RBBP4: variants seen among roughly 807,000 people sequenced by gnomAD.
The protein encoded by RBBP4 is histone-binding protein RBBP4.
RBBP4 carries 3 observed loss-of-function variants against 57.2 expected under a neutral mutation model. The ratio of observed to expected loss-of-function variants is 0.05; its 90% CI spans 0.02 to 0.14. The LOEUF (loss-of-function observed/expected upper bound fraction) is 0.14, where lower values mean the gene tolerates loss of function less well. RBBP4 is among the 10% of genes least tolerant of loss of function. RBBP4 has a pLI of 1.00. For synonymous variants in RBBP4, 151 were observed against 171.5 expected (o/e 0.88, Z 0.93); for missense variants, 107 against 520.6 (o/e 0.21, Z 7.73).
chr1:32,676,338 C>A (rs1649099168), intron 11 of RBBP4, among the ~76,000 whole-genome samples: 1 of 151,948 alleles, frequency 6.6e-6, no homozygotes, highest in African/African-American at 2.4e-5. Flanking sequence ...GGTGTGGTGG[C>A]TCACGCCTGT....
Position 32,683,869 on chromosome 1 carries a change from G to A in RBBP4, c.*4164G>A. 2 of 742,738 alleles carry A rather than the reference G, an allele frequency of 2.7e-6. No individual in the cohort carries two copies. Among genetic ancestry groups the A allele is most frequent in the Admixed American group, 2.4e-5 (1 of 41,236 alleles). 46.0% of individuals were successfully genotyped at this position (742,738 alleles called of 1,614,324 possible). ...GCTGGTCTTGAACTCCTGACTCCAGGTGATCCACCCTCCTCAGCCTCCCAA... is the reference window on the plus strand; with the variant it reads ...GCTGGTCTTGAACTCCTGACTCCAGATGATCCACCCTCCTCAGCCTCCCAA... On this transcript the variant is annotated 3_prime_UTR_variant, in exon 12 of 12. Coordinates refer to ENST00000373493, the MANE Select transcript of RBBP4 (RefSeq NM_005610.3).
chr1:32,670,051 A>G (rs554687002), intron 8 of RBBP4, among the ~76,000 whole-genome samples: 260 of 152,214 alleles, frequency 1.7e-3, no homozygotes, highest in Non-Finnish European at 2.9e-3. Flanking sequence ...GACCACTTAC[A>G]TTCTTCAGAT....
rs1016533008 is a variant in RBBP4 at position 32,651,235 on chromosome 1, G to A, written c.-72G>A. 105 of 1,505,578 alleles carry A rather than the reference G, an allele frequency of 7.0e-5. 1 individual carries two copies. The highest frequency in any genetic ancestry group is 2.2e-4 in the Admixed American group (10 of 45,644). The allele number at this position is 1,505,578 out of a possible 1,614,324, so 93.3% of individuals were successfully genotyped here. A position where few individuals can be genotyped will look rare whatever the true frequency, so the allele number is the denominator to read the frequency against. On this transcript the variant is annotated 5_prime_UTR_variant, in exon 1 of 12. Coordinates refer to ENST00000373493, the MANE Select transcript of RBBP4 (RefSeq NM_005610.3). ...AAACAATAGAGGCCGCGCGCACAGA[G>A]CGAGCTCTTGCAGCCTCCCCGCCCC...
Position 32,681,698 on chromosome 1 carries a change from G to A in RBBP4, c.*1993G>A, listed in dbSNP as rs1649447150. The A allele has an allele frequency of 8.3e-7, 1 of 1,198,434 alleles. No homozygotes were observed. The highest frequency in any genetic ancestry group is 1.5e-5 in the African/African-American group (1 of 65,948). 74.2% of individuals were successfully genotyped at this position (1,198,434 alleles called of 1,614,324 possible). A position where few individuals can be genotyped will look rare whatever the true frequency, so the allele number is the denominator to read the frequency against. ...CCAACTCTAGAATCTTTTTAAGCAG[G>A]TCAGCCAGTATTTGCAACTTCCACA... On this transcript the variant is annotated 3_prime_UTR_variant, in exon 12 of 12. Coordinates refer to ENST00000373493, the MANE Select transcript of RBBP4 (RefSeq NM_005610.3).
chr1:32,661,152 T>G (rs970800940), intron 3 of RBBP4, among the ~76,000 whole-genome samples: 1 of 152,194 alleles, frequency 6.6e-6, no homozygotes, highest in Non-Finnish European at 1.5e-5. Flanking sequence ...TGATGGACAC[T>G]TGGGTTGATT....
chr1:32,665,927 C>T (rs572466405), intron 3 of RBBP4, among the ~76,000 whole-genome samples: 2 of 152,228 alleles, frequency 1.3e-5, no homozygotes, highest in African/African-American at 4.8e-5. Context: ...CATTAACTAC[C>T]TTTATTTATA....
In RBBP4 at chr1:32,673,638, A is replaced by C. The variant is rs192422111; in HGVS notation, c.1212+737A>C. 1.3e-3 allele frequency: 333 copies of C among 252,290 alleles called. 6 individuals carry two copies. Among genetic ancestry groups the C allele is most frequent in the South Asian group, 0.011 (329 of 30,040 alleles). 15.6% of individuals were successfully genotyped at this position (252,290 alleles called of 1,614,324 possible). The stretch of plus-strand genomic sequence containing the variant: ...TATTTTCAGTAGAGACGGTTTCACT[A>C]TGTTGGCCAGGCTGGTCTCAAACTC... On this transcript the variant is annotated intron_variant, in intron 11 of 11. Coordinates refer to ENST00000373493, the MANE Select transcript of RBBP4 (RefSeq NM_005610.3).
rs1370201035 is a variant in RBBP4 at position 32,669,519 on chromosome 1, C to T, written c.922C>T (p.Leu308Phe). The change falls in exon 8 of 12, where the codon CTT becomes TTT. Residue 308 changes from leucine to phenylalanine, a missense_variant. Coordinates refer to ENST00000373493, the MANE Select transcript of RBBP4 (RefSeq NM_005610.3). This position sits in a 1 kb window ranked among gnomAD's most constrained non-coding sequence, Gnocchi z 4.9. ...CTTGTGGGATCTGAGAAATCTGAAA[C>T]TTAAGTTGCATTCCTTTGAGTCACA... ...VALWDLRNLK[L>F]KLHSFESHKD... 1 of 1,608,348 alleles carries T rather than the reference C, an allele frequency of 6.2e-7. No homozygotes were observed. The highest frequency in any genetic ancestry group is 8.5e-7 in the Non-Finnish European group (1 of 1,178,722).
intron 11 of RBBP4, 83 bp from the exon 12 acceptor site, chr1:32,679,557 G>C (rs1199476858): frequency 1.6e-6 from 2 of 1,262,620 alleles, no homozygotes; most frequent in East Asian, 5.0e-5. Flanking sequence ...TTACTCTCTG[G>C]CTTCCTGGCC....
intron 1 of RBBP4, 82 bp downstream of exon 1, chr1:32,651,404 A>G: frequency 7.2e-7 from 1 of 1,387,304 alleles, no homozygotes; most frequent in Non-Finnish European, 9.4e-7. Context: ...CAGTGAGGGC[A>G]GGCCCGAGTT....
chr1:32,653,677 T>A (rs1184967518), intron 2 of RBBP4, among the ~76,000 whole-genome samples: 1 of 105,460 alleles, frequency 9.5e-6, no homozygotes, highest in Non-Finnish European at 1.8e-5. Context: ...TTTTTTTTTT[T>A]GAGACGGAGT....
chr1:32,672,391 ATTTT>A, intron 8 of RBBP4, 55 bp from the exon 9 acceptor site: 1 of 1,353,998 alleles, frequency 7.4e-7, no homozygotes, highest in Non-Finnish European at 1.0e-6. Flanking sequence ...TATTTTGTGA[ATTTT>A]TTCCCTTTAT....
chr1:32,668,397 A>G lies in RBBP4; in HGVS notation c.483A>G (p.Pro161=), dbSNP rs1648741424. 3 of 1,586,610 alleles carry G rather than the reference A, an allele frequency of 1.9e-6. No homozygotes were observed. The highest frequency in any genetic ancestry group is 2.6e-6 in the Non-Finnish European group (3 of 1,156,748). ...ACTATACAAAACATCCTTCTAAACC[A>G]GGTATGTGCCCTTTTCTATTCAAAT... The part of the protein sequence containing the change: ...VFDYTKHPSK[P]DPSGECNPDL... The change falls in exon 4 of 12, where the codon CCA becomes CCG. Residue 161 remains proline, a splice_region_variant and synonymous_variant. Coordinates refer to ENST00000373493, the MANE Select transcript of RBBP4 (RefSeq NM_005610.3).
chr1:32,675,780 TAAA>T (rs954165287), intron 11 of RBBP4, among the ~76,000 whole-genome samples: 1 of 151,606 alleles, frequency 6.6e-6, no homozygotes, highest in African/African-American at 2.4e-5. Context: ...AAAAAAATAA[TAAA>T]AATAAATTTA....
Position 32,681,071 on chromosome 1 carries a change from A to C in RBBP4, c.*1366A>C, listed in dbSNP as rs1053735235. The C allele has an allele frequency of 2.6e-5, 4 of 152,836 alleles. No homozygotes were observed. The highest frequency in any genetic ancestry group is 7.2e-5 in the African/African-American group (3 of 41,480). 9.5% of individuals were successfully genotyped at this position (152,836 alleles called of 1,614,324 possible). On this transcript the variant is annotated 3_prime_UTR_variant, in exon 12 of 12. Transcript: ENST00000373493. The stretch of plus-strand genomic sequence containing the variant: ...TTAGGTTAGAAATAATAGGCTTTGA[A>C]GGCCTCTATCACCAGATGCAATAAC...
rs1648770617 is a variant in RBBP4, at chr1:32,669,205, T to C, written c.762-26T>C. The C allele has an allele frequency of 3.1e-6, 5 of 1,608,316 alleles. No homozygotes were observed. The highest frequency in any genetic ancestry group is 1.7e-5 in the Admixed American group (1 of 58,450). On this transcript the variant is annotated intron_variant, in intron 6 of 11. Transcript: ENST00000373493. This position sits in a 1 kb window ranked among gnomAD's most constrained non-coding sequence, Gnocchi z 4.9. ...TGTTTAGTCACCATTTCAAGGTTTT[T>C]TTCCTTTGTTTTTTTTTCACTGAAG...
Position 32,669,258 on chromosome 1 carries a change from C to T in RBBP4, c.789C>T (p.Ser263=). 6.2e-7 allele frequency: 1 copy of T among 1,612,838 alleles called. No homozygotes were observed. The highest frequency in any genetic ancestry group is 8.5e-7 in the Non-Finnish European group (1 of 1,179,956). Residue 263 remains serine (S), a synonymous_variant, in exon 7 of 12, where the codon TCC becomes TCT. Transcript: ENST00000373493. This position sits in a 1 kb window ranked among gnomAD's most constrained non-coding sequence, Gnocchi z 4.9. ...GGGATACTCGTTCAAACAATACTTC[C>T]AAACCAAGCCACTCAGTTGATGCTC... is the stretch of plus-strand genomic sequence containing the variant. ...MIWDTRSNNT[S]KPSHSVDAHT...
At chr1:32,662,844 C>T (rs922448465) in intron 3 of RBBP4, among the ~76,000 whole-genome samples, 1 of 151,646 alleles carries the variant, frequency 6.6e-6, no homozygotes, top group Non-Finnish European at 1.5e-5. Flanking sequence ...ATTAGCTGGG[C>T]GTGGTGGTGT....
At chr1:32,673,006 C>A in intron 11 of RBBP4, 105 bp downstream of exon 11, 1 of 879,022 alleles carries the variant, frequency 1.1e-6, no homozygotes, top group Non-Finnish European at 1.8e-6. Flanking sequence ...GTTCATTTTA[C>A]TCCCAGGTGT....
Sources: gnomAD v4.1 joint callset for allele counts (sites outside exome capture counted in the v4.1 genomes callset) on GRCh38, gnomAD v4.1.1 for gene constraint, Gnocchi (gnomAD v3.1) non-coding constraint, MANE v1.5 for transcripts, NCBI Gene and HGNC (gene_info 2026-07-23, HGNC 2026-07-21) for gene names.